DCDC2C: variants seen among roughly 807,000 people sequenced by gnomAD.
DCDC2C encodes doublecortin domain-containing protein 2C.
DCDC2C carries 44 observed loss-of-function variants against 45.0 expected under a neutral mutation model. The ratio of observed to expected loss-of-function variants is 0.98; its 90% CI spans 0.77 to 1.26. The LOEUF is 1.26. DCDC2C is among the 50% of genes most tolerant of loss of function. The probability of loss-of-function intolerance (pLI) is 0.00; values close to 1 mark genes in which losing one functional copy is unlikely to be tolerated. For missense variants in DCDC2C, 447 were observed against 468.9 expected, an observed-to-expected ratio of 0.95 and a Z score of 0.43; for synonymous variants, 187 against 178.8, an observed-to-expected ratio of 1.05 and a Z score of -0.37.
At chr2:3,779,973 C>T (rs976169996) in intron 9 of DCDC2C, among the ~76,000 whole-genome samples, 7 of 152,182 alleles carry the variant, frequency 4.6e-5, no homozygotes, top group African/African-American at 1.2e-4. Context: ...TAGAAAACAC[C>T]AAAGCAGCTT....
chr2:3,727,004 T>C lies in DCDC2C; in HGVS notation c.341T>C (p.Ile114Thr). 1.3e-6 allele frequency: 2 copies of C among 1,550,414 alleles called. No homozygotes were observed. Among genetic ancestry groups the C allele is most frequent in the South Asian group, 2.4e-5 (2 of 84,036 alleles). ...CAGGTGTGTTTTTTCCTTTTTCAGATCAAACCAGTGGTGCATTGTGATATA... is the reference window on the plus strand; with the variant it reads ...CAGGTGTGTTTTTTCCTTTTTCAGACCAAACCAGTGGTGCATTGTGATATA... The part of the protein sequence containing the change: ...KPAKIRKLKE[I>T]KPVVHCDINV... The change falls in exon 3 of 11, where the codon ATC (isoleucine) becomes ACC (threonine). Residue 114 changes from isoleucine (I) to threonine (T), a missense_variant and splice_region_variant. Coordinates refer to ENST00000399143, the MANE Select transcript of DCDC2C (RefSeq NM_001287444.2).
intron 10 of DCDC2C, among the ~76,000 whole-genome samples, chr2:3,846,632 C>T (rs911110315): frequency 2.6e-5 from 4 of 152,082 alleles, no homozygotes; most frequent in East Asian, 1.9e-4. Context: ...TTTAAAATGT[C>T]GCCTCTAGAT....
At chr2:3,821,621 G>A (rs879655614) in intron 10 of DCDC2C, among the ~76,000 whole-genome samples, 11 of 152,248 alleles carry the variant, frequency 7.2e-5, no homozygotes, top group East Asian at 3.9e-4. Flanking sequence ...GCTTTTCTGC[G>A]TCTATTAAGA....
At chr2:3,797,337 T>C (rs1441897050) in intron 10 of DCDC2C, among the ~76,000 whole-genome samples, 1 of 128,362 alleles carries the variant, frequency 7.8e-6, no homozygotes, top group East Asian at 2.7e-4. Context: ...GATTCGTTAA[T>C]TTTTTGAAGG....
At chr2:3,765,947 T>C (rs961914586) in intron 6 of DCDC2C, among the ~76,000 whole-genome samples, 2 of 152,122 alleles carry the variant, frequency 1.3e-5, no homozygotes, top group Admixed American at 6.5e-5. Flanking sequence ...AAATAAGGTA[T>C]TTGCAAAAAC....
intron 10 of DCDC2C, among the ~76,000 whole-genome samples, chr2:3,834,821 A>T (rs1298192440): frequency 6.6e-6 from 1 of 152,214 alleles, no homozygotes; most frequent in African/African-American, 2.4e-5. Context: ...ATGTCCATCA[A>T]GTGGGATGGA....
intron 4 of DCDC2C, among the ~76,000 whole-genome samples, chr2:3,747,067 A>G (rs1419768223): frequency 6.6e-6 from 1 of 152,190 alleles, no homozygotes; most frequent in Admixed American, 6.5e-5. Flanking sequence ...CAGCGGTTAC[A>G]GATGGCCCTG....
rs573352403 is a variant in DCDC2C, at chr2:3,825,274, C to T, written c.1066-21880C>T. Reference sequence around the variant, plus strand: ...CACCTATATGCACCAAAACTCTTAGCAGAAATCTTCTTAGGCCTTTCTTTG... The same window carrying T: ...CACCTATATGCACCAAAACTCTTAGTAGAAATCTTCTTAGGCCTTTCTTTG... On this transcript the variant is annotated intron_variant, in intron 10 of 10. Coordinates refer to ENST00000399143, the MANE Select transcript of DCDC2C (RefSeq NM_001287444.2). Among the ~76,000 whole-genome samples, 8 of 152,320 alleles carry T rather than the reference C, an allele frequency of 5.3e-5. No individual in the cohort carries two copies. In the South Asian group the frequency reaches 1.7e-3, roughly 32 times the overall value.
chr2:3,703,577 CCCCGTCCCGTCCCCGTCCAGCCCCCGT>C lies in DCDC2C; in HGVS notation c.-166_-140del, dbSNP rs1319091694. On this transcript the variant is annotated 5_prime_UTR_variant, in exon 1 of 11. Coordinates refer to ENST00000399143, the MANE Select transcript of DCDC2C (RefSeq NM_001287444.2). The surrounding 1 kb of genome is among the most constrained non-coding windows in gnomAD (Gnocchi z 4.4). ...CACGCAGCCTCCGCCCGCCTGGCAGCCCCGTCCCGTCCCCGTCCAGCCCCCGTCCCGTCCCCGTCCCGTCCCCGTCCT... is the reference window on the plus strand; with the variant it reads ...CACGCAGCCTCCGCCCGCCTGGCAGCCCCGTCCCCGTCCCGTCCCCGTCCT... 76 of 592,698 alleles carry C rather than the reference CCCCGTCCCGTCCCCGTCCAGCCCCCGT, an allele frequency of 1.3e-4. No homozygotes were observed. In the Middle Eastern group the frequency reaches 1.6e-3, roughly 12 times the overall value. 36.7% of individuals were successfully genotyped at this position (592,698 alleles called of 1,614,324 possible).
At chr2:3,747,524 C>T (rs905433613) in intron 4 of DCDC2C, among the ~76,000 whole-genome samples, 10 of 152,264 alleles carry the variant, frequency 6.6e-5, no homozygotes, top group African/African-American at 1.7e-4. Flanking sequence ...CCCCAGTGGA[C>T]GTCACTTCTG....
intron 10 of DCDC2C, among the ~76,000 whole-genome samples, chr2:3,846,460 C>T (rs1448947607): frequency 7.9e-5 from 12 of 151,902 alleles, no homozygotes; most frequent in Admixed American, 7.9e-4. Flanking sequence ...TACTATGTTG[C>T]CCAGGCTTCT....
rs1157942453 is a variant in DCDC2C at position 3,704,018 on chromosome 2, C to T, written c.267C>T (p.Arg89=). The part of the protein sequence containing the change: ...QAGGKYVAAG[R]ERFKELDYIH... ...GCGGCAAGTACGTGGCGGCGGGCCG[C>T]GAGCGCTTCAAGGAGCTCGAGTAAG... The change falls in exon 1 of 11, where the codon CGC becomes CGT. Residue 89 remains arginine, a synonymous_variant. Coordinates refer to ENST00000399143, the MANE Select transcript of DCDC2C (RefSeq NM_001287444.2). The T allele has an allele frequency of 8.6e-6, 11 of 1,280,064 alleles. No homozygotes were observed. Among genetic ancestry groups the T allele is most frequent in the African/African-American group, 4.6e-5 (3 of 64,646 alleles). 79.3% of individuals were successfully genotyped at this position (1,280,064 alleles called of 1,614,324 possible). A position where few individuals can be genotyped will look rare whatever the true frequency, so the allele number is the denominator to read the frequency against.
At chr2:3,742,588 C>G (rs988060202) in intron 4 of DCDC2C, among the ~76,000 whole-genome samples, 1 of 152,192 alleles carries the variant, frequency 6.6e-6, no homozygotes, top group African/African-American at 2.4e-5. Flanking sequence ...GGGCACATTC[C>G]TAACTCCTCA....
chr2:3,806,937 C>G (rs557532094), intron 10 of DCDC2C, among the ~76,000 whole-genome samples: 7 of 152,176 alleles, frequency 4.6e-5, no homozygotes, highest in Admixed American at 4.6e-4. Context: ...GGTGTTGCGA[C>G]GGAGTCCTTG....
In DCDC2C at chr2:3,795,950, A is replaced by C. The variant is rs1023639440; in HGVS notation, c.1065+10850A>C. On this transcript the variant is annotated intron_variant, in intron 10 of 10. Transcript: ENST00000399143. ...GGGGATGGCATTGAATCTATAAATT[A>C]CCTTGGGCAGTATGGCCATTTTCAC... Among the ~76,000 whole-genome samples, 123 of 108,580 alleles carry C rather than the reference A, an allele frequency of 1.1e-3. 32 individuals carry two copies. Among genetic ancestry groups the C allele is most frequent in the African/African-American group, 4.4e-3 (113 of 25,436 alleles). 71.2% of individuals were successfully genotyped at this position (108,580 alleles called of 152,430 possible).
At chr2:3,706,647 T>C (rs1439859241) in intron 1 of DCDC2C, among the ~76,000 whole-genome samples, 1 of 152,210 alleles carries the variant, frequency 6.6e-6, no homozygotes, top group Non-Finnish European at 1.5e-5. Flanking sequence ...TGCTGAGACA[T>C]GAATGTGAAC....
At chr2:3,776,296 C>G (rs1254769521) in intron 8 of DCDC2C, among the ~76,000 whole-genome samples, 1 of 152,218 alleles carries the variant, frequency 6.6e-6, no homozygotes, top group East Asian at 1.9e-4. Context: ...TTGAGCGTGT[C>G]TGTCTCCCCT....
In DCDC2C at chr2:3,734,638, C is replaced by T. The variant is rs945370130; in HGVS notation, c.417-7282C>T. ...ATGAGGAATGTGTGTGTCTAATAGG[C>T]GACCCAGTTGCAAATGAGACAGGCA... On this transcript the variant is annotated intron_variant, in intron 3 of 10. Transcript: ENST00000399143. The surrounding 1 kb of genome is among the most constrained non-coding windows in gnomAD (Gnocchi z 4.2). Among the ~76,000 whole-genome samples, 1 of 152,116 alleles carries T rather than the reference C, an allele frequency of 6.6e-6. No homozygotes were observed. Among genetic ancestry groups the T allele is most frequent in the East Asian group, 1.9e-4 (1 of 5,180 alleles).
chr2:3,745,040 C>T (rs1669321448), intron 4 of DCDC2C, among the ~76,000 whole-genome samples: 1 of 152,174 alleles, frequency 6.6e-6, no homozygotes, highest in Admixed American at 6.5e-5. Flanking sequence ...GGCTGGAGTG[C>T]AATGGTGCAA....
Sources: gnomAD v4.1 joint callset for allele counts (sites outside exome capture counted in the v4.1 genomes callset) on GRCh38, gnomAD v4.1.1 for gene constraint, Gnocchi (gnomAD v3.1) non-coding constraint, MANE v1.5 for transcripts, NCBI Gene and HGNC (gene_info 2026-07-23, HGNC 2026-07-21) for gene names.